The following ARHGAP10 variants were observed in gnomAD, a reference collection of about 807,000 sequenced individuals.
ARHGAP10 encodes Rho GTPase activating protein 10.
ARHGAP10 carries 87 observed loss-of-function variants against 108.6 expected under a neutral mutation model. The ratio of observed to expected loss-of-function variants is 0.80; its 90% confidence interval spans 0.67 to 0.96. The LOEUF is 0.96. Ranked by LOEUF, ARHGAP10 falls within the 40% of genes least tolerant of loss-of-function variation. The pLI is 0.00. For synonymous variants in ARHGAP10, 347 were observed against 341.1 expected, an observed-to-expected ratio of 1.02 and a Z score of -0.19; for missense variants, 939 against 954.5, an observed-to-expected ratio of 0.98 and a Z score of 0.21.
chr4:147,937,578 A>G (rs1738005075), intron 13 of ARHGAP10, among the ~76,000 whole-genome samples: 2 of 152,208 alleles, frequency 1.3e-5, no homozygotes, highest in Admixed American at 6.5e-5. Flanking sequence ...CCAGTAATAT[A>G]AATCGTCCTG....
chr4:147,940,719 C>G (rs578143317), intron 14 of ARHGAP10, among the ~76,000 whole-genome samples: 2 of 152,342 alleles, frequency 1.3e-5, no homozygotes, highest in African/African-American at 4.8e-5. Context: ...GCATTCCAAC[C>G]TGTCTGCATC....
At chr4:147,754,931 T>G (rs1427087659) in intron 1 of ARHGAP10, among the ~76,000 whole-genome samples, 2 of 151,910 alleles carry the variant, frequency 1.3e-5, no homozygotes, top group African/African-American at 4.8e-5. Flanking sequence ...CTGTCTCTAC[T>G]AAAAAATGCA....
chr4:147,852,532 G>T (rs1733910951), intron 4 of ARHGAP10, among the ~76,000 whole-genome samples: 1 of 152,126 alleles, frequency 6.6e-6, no homozygotes, highest in Non-Finnish European at 1.5e-5. Context: ...GGAGTTAAGG[G>T]AGGGTGTGCC....
chr4:147,833,017 G>A (rs1186261389), intron 3 of ARHGAP10, among the ~76,000 whole-genome samples: 1 of 152,192 alleles, frequency 6.6e-6, no homozygotes, highest in Non-Finnish European at 1.5e-5. Context: ...TTAGGTCAAG[G>A]AAGTGCTGGT....
At chr4:147,767,141 G>A (rs571508581) in intron 1 of ARHGAP10, among the ~76,000 whole-genome samples, 3 of 152,042 alleles carry the variant, frequency 2.0e-5, no homozygotes, top group African/African-American at 4.8e-5. Flanking sequence ...GTGAGCCACC[G>A]CGCCCAGTCT....
At chr4:147,944,940 T>C (rs1293649768) in intron 14 of ARHGAP10, among the ~76,000 whole-genome samples, 1 of 152,178 alleles carries the variant, frequency 6.6e-6, no homozygotes, top group Admixed American at 6.5e-5. Context: ...TTTAATTATT[T>C]ATGGAAATCT....
chr4:148,062,022 G>A (rs1166528952), intron 20 of ARHGAP10, among the ~76,000 whole-genome samples: 1 of 152,164 alleles, frequency 6.6e-6, no homozygotes, highest in Non-Finnish European at 1.5e-5. Context: ...GAGCTTGAGA[G>A]GAAAGGCAAA....
intron 10 of ARHGAP10, among the ~76,000 whole-genome samples, chr4:147,895,635 A>C (rs1431755364): frequency 6.6e-6 from 1 of 151,668 alleles, no homozygotes; most frequent in Admixed American, 6.6e-5. Flanking sequence ...GCAGTGAGCC[A>C]TAATCGTGTC....
chr4:148,007,532 A>G (rs1740998016), intron 18 of ARHGAP10, among the ~76,000 whole-genome samples: 1 of 152,178 alleles, frequency 6.6e-6, no homozygotes, highest in African/African-American at 2.4e-5. Flanking sequence ...TTTCTCCTTC[A>G]GCGATTCATG....
intron 18 of ARHGAP10, among the ~76,000 whole-genome samples, chr4:148,002,613 G>A (rs1740766905): frequency 6.6e-6 from 1 of 152,112 alleles, no homozygotes; most frequent in Admixed American, 6.5e-5. Context: ...TCTATTCGGG[G>A]ATTCAGCTTC....
intron 18 of ARHGAP10, chr4:148,022,925 A>G (rs1345546301): frequency 6.0e-6 from 1 of 168,050 alleles, no homozygotes; most frequent in African/African-American, 2.4e-5. Context: ...ACTTGTTTTT[A>G]CTGTTTTATC....
chr4:148,062,915 A>G (rs1008643753), intron 20 of ARHGAP10, among the ~76,000 whole-genome samples: 2 of 152,058 alleles, frequency 1.3e-5, no homozygotes, highest in African/African-American at 4.8e-5. Context: ...CAGATTGGAG[A>G]ACCTGGAGAA....
chr4:147,804,048 TAGG>T (rs958288780), intron 1 of ARHGAP10, among the ~76,000 whole-genome samples: 2 of 151,858 alleles, frequency 1.3e-5, no homozygotes, highest in African/African-American at 4.8e-5. Flanking sequence ...GTTTGTTATA[TAGG>T]TAAACTGTGT....
At chr4:147,856,922 G>A (rs1294113170) in intron 4 of ARHGAP10, among the ~76,000 whole-genome samples, 4 of 152,152 alleles carry the variant, frequency 2.6e-5, no homozygotes, top group Non-Finnish European at 5.9e-5. Flanking sequence ...GTGTGATCTC[G>A]ATTCACTGCA....
At chr4:147,790,732 G>C (rs1369719327) in intron 1 of ARHGAP10, among the ~76,000 whole-genome samples, 1 of 152,156 alleles carries the variant, frequency 6.6e-6, no homozygotes, top group African/African-American at 2.4e-5. Flanking sequence ...ATTCAAATAA[G>C]TTTTATCAAG....
chr4:147,814,153 C>T (rs1329556388), intron 1 of ARHGAP10, among the ~76,000 whole-genome samples: 2 of 152,172 alleles, frequency 1.3e-5, no homozygotes, highest in Non-Finnish European at 2.9e-5. Context: ...TGTATTCGTA[C>T]AGCACCATGG....
rs1732298859 is a variant in ARHGAP10 at position 147,817,468 on chromosome 4, C to A, written c.155-5259C>A. The stretch of plus-strand genomic sequence containing the variant: ...GAAATAATTTTCTCAGTTGTAGAAT[C>A]AAGGACAAGCAGTGGCAGTTCAGGC... On this transcript the variant is annotated intron_variant, in intron 1 of 22. Coordinates refer to ENST00000336498, the MANE Select transcript of ARHGAP10 (RefSeq NM_024605.4). Among the ~76,000 whole-genome samples the A allele has an allele frequency of 2.6e-5, 4 of 152,286 alleles. No homozygotes were observed. In the South Asian group the frequency reaches 8.3e-4, roughly 32 times the overall value.
Position 147,909,899 on chromosome 4 carries a change from A to G in ARHGAP10, c.1162+122A>G, listed in dbSNP as rs1327068921. On this transcript the variant is annotated intron_variant, in intron 12 of 22. Coordinates refer to ENST00000336498, the MANE Select transcript of ARHGAP10 (RefSeq NM_024605.4). Reference sequence around the variant, plus strand: ...TGCACCCTCTATTAGACAGAGGGGTATTACACGTAATAATCCTCTATTGCA... The same window carrying G: ...TGCACCCTCTATTAGACAGAGGGGTGTTACACGTAATAATCCTCTATTGCA... The G allele has an allele frequency of 3.4e-6, 3 of 893,456 alleles. No homozygotes were observed. The Admixed American group carries it at 7.5e-5, about 22-fold the overall frequency. The allele number at this position is 893,456 out of a possible 1,614,324, so 55.3% of individuals were successfully genotyped here.
chr4:148,058,968 A>G (rs941125663), intron 20 of ARHGAP10, among the ~76,000 whole-genome samples: 20 of 152,114 alleles, frequency 1.3e-4, no homozygotes, highest in African/African-American at 3.9e-4. Context: ...CCCCACCTAA[A>G]CACAGGAAAT....
Sources: allele counts gnomAD v4.1 joint callset (sites outside exome capture counted in the v4.1 genomes callset), GRCh38; gene constraint gnomAD v4.1.1; transcripts MANE v1.5; gene names NCBI Gene and HGNC (gene_info 2026-07-23, HGNC 2026-07-21).